Variants in RNF34 observed in about 807,000 individuals in gnomAD.
RNF34 encodes E3 ubiquitin-protein ligase RNF34.
A neutral mutation model predicts 37.9 loss-of-function variants in RNF34; 12 were observed. The ratio of observed to expected loss-of-function variants is 0.32; its 90% CI spans 0.20 to 0.51. The LOEUF (loss-of-function observed/expected upper bound fraction) is 0.51, where lower values mean the gene tolerates loss of function less well. Among genes scored for constraint, RNF34 ranks in the 20% least tolerant of loss-of-function variants. The pLI is 0.97. For missense variants in RNF34, 362 were observed against 472.7 expected (o/e 0.77, Z 2.17); for synonymous variants, 155 against 177.2 (o/e 0.87, Z 1.00).
intron 3 of RNF34, chr12:121,418,229 A>G (rs61201057): frequency 5.8e-4 from 171 of 296,012 alleles, no homozygotes; most frequent in African/African-American, 3.3e-3. Flanking sequence ...GCACATACAC[A>G]TTTGTAGTGT....
At position 121,416,645 on chromosome 12, in the gene RNF34, A is replaced by G. The variant is rs183599162; in HGVS notation, c.225+268A>G. The G allele has an allele frequency of 1.5e-3, 455 of 297,944 alleles. 4 individuals are homozygous for G. The highest frequency in any genetic ancestry group is 9.4e-3 in the African/African-American group (426 of 45,460). The allele number at this position is 297,944 out of a possible 1,614,324, so 18.5% of individuals were successfully genotyped here. On this transcript the variant is annotated intron_variant, in intron 2 of 5. Coordinates refer to ENST00000361234, the MANE Select transcript of RNF34 (RefSeq NM_025126.4). ...TTTATTTTCTATTATGTTTATTTCC[A>G]AAAGCAAGAAATTTGTTAGTCTGTA...
In RNF34 at chr12:121,400,369, C is replaced by T. The variant is rs1555279851; in HGVS notation, c.6+151C>T. The T allele has an allele frequency of 5.2e-6, 5 of 956,752 alleles. No homozygotes were observed. In the East Asian group the frequency reaches 1.5e-4, roughly 28 times the overall value. The allele number at this position is 956,752 out of a possible 1,614,324, so 59.3% of individuals were successfully genotyped here. ...GGGGTCGCTTGCCCGGCTTCAGGTGCCCCAACCGAGCCAGGGCAGGCTGCC... is the reference window on the plus strand; with the variant it reads ...GGGGTCGCTTGCCCGGCTTCAGGTGTCCCAACCGAGCCAGGGCAGGCTGCC... On this transcript the variant is annotated intron_variant, in intron 1 of 5. Transcript: ENST00000361234.
At chr12:121,420,489 G>T in intron 4 of RNF34, 88 bp from the exon 5 acceptor site, 1 of 1,573,170 alleles carries the variant, frequency 6.4e-7, no homozygotes, top group South Asian at 1.1e-5. Flanking sequence ...TGAGATGGCT[G>T]GGAGAATATT....
At chr12:121,412,499 T>C (rs1871176017) in intron 1 of RNF34, among the ~76,000 whole-genome samples, 1 of 151,870 alleles carries the variant, frequency 6.6e-6, no homozygotes, top group Non-Finnish European at 1.5e-5. Flanking sequence ...TGCCTTGTCC[T>C]CCCAAACTGC....
intron 1 of RNF34, chr12:121,405,203 T>G (rs547749063): frequency 6.6e-6 from 1 of 152,212 alleles, no homozygotes; most frequent in Non-Finnish European, 1.5e-5. Flanking sequence ...GAGGGAACAG[T>G]ATGGGAGAAA....
At chr12:121,413,140 C>T (rs1555281590) in intron 1 of RNF34, among the ~76,000 whole-genome samples, 1 of 151,938 alleles carries the variant, frequency 6.6e-6, no homozygotes, top group Admixed American at 6.6e-5. Context: ...ATTCTCCTGC[C>T]TCGGCCTTCC....
At chr12:121,407,433 T>C (rs1304293055) in intron 1 of RNF34, among the ~76,000 whole-genome samples, 4 of 152,050 alleles carry the variant, frequency 2.6e-5, no homozygotes, top group African/African-American at 9.7e-5. Context: ...AAGCCAGAGG[T>C]GGGGGTATGC....
intron 1 of RNF34, among the ~76,000 whole-genome samples, chr12:121,408,269 C>G (rs1354047416): frequency 1.3e-5 from 2 of 152,022 alleles, no homozygotes; most frequent in African/African-American, 2.4e-5. Flanking sequence ...GGTGAAACCC[C>G]GTCTCTACTA....
At chr12:121,409,946 A>G (rs1388507081) in intron 1 of RNF34, among the ~76,000 whole-genome samples, 1 of 151,842 alleles carries the variant, frequency 6.6e-6, no homozygotes, top group Non-Finnish European at 1.5e-5. Flanking sequence ...ATCTGAGGTC[A>G]GGAGTTCGAG....
At chr12:121,412,341 GC>G (rs1443281410) in intron 1 of RNF34, among the ~76,000 whole-genome samples, 2 of 143,436 alleles carry the variant, frequency 1.4e-5, no homozygotes, top group South Asian at 4.6e-4. Flanking sequence ...CCGGGTTCAC[GC>G]CATTCTCCCA....
intron 1 of RNF34, chr12:121,405,220 C>T (rs1318135994): frequency 6.6e-6 from 1 of 152,198 alleles, no homozygotes; most frequent in Non-Finnish European, 1.5e-5. Flanking sequence ...GAAACACTGT[C>T]AGTCTCTGCT....
At position 121,417,897 on chromosome 12, in the gene RNF34, G is replaced by A. The variant is rs782635682; in HGVS notation, c.619G>A (p.Gly207Arg). Reference sequence around the variant, plus strand: ...GGATGGAGACCAAACATCCAGATCTGGAGTGCCGGCACAGGTACGAGGGGG... The same window carrying A: ...GGATGGAGACCAAACATCCAGATCTAGAGTGCCGGCACAGGTACGAGGGGG... ...LMDGDQTSRS[G>R]VPAQVQSEIT... The change falls in exon 3 of 6, where the codon GGA becomes AGA. Residue 207 changes from glycine (G) to arginine (R), a missense_variant. Gly to Arg is a moderately radical substitution (Grantham distance 125, BLOSUM62 -2). Transcript: ENST00000361234. This position sits in a 1 kb window ranked among gnomAD's most constrained non-coding sequence, Gnocchi z 5.0. 1.9e-6 allele frequency: 3 copies of A among 1,613,878 alleles called. No individual in the cohort carries two copies. In the South Asian group the frequency reaches 3.3e-5, roughly 18 times the overall value.
At chr12:121,415,031 C>T (rs1017623257) in intron 1 of RNF34, among the ~76,000 whole-genome samples, 2 of 151,556 alleles carry the variant, frequency 1.3e-5, no homozygotes, top group East Asian at 2.0e-4. Context: ...GGGAGGCGGA[C>T]GTTGCAGTGA....
Position 121,423,660 on chromosome 12 carries a change from C to A in RNF34, c.*84C>A. 1.7e-6 allele frequency: 2 copies of A among 1,161,652 alleles called. No homozygotes were observed. Among genetic ancestry groups the A allele is most frequent in the South Asian group, 1.5e-5 (1 of 68,248 alleles). 72.0% of individuals were successfully genotyped at this position (1,161,652 alleles called of 1,614,324 possible). On this transcript the variant is annotated 3_prime_UTR_variant, in exon 6 of 6. Coordinates refer to ENST00000361234, the MANE Select transcript of RNF34 (RefSeq NM_025126.4). The surrounding 1 kb of genome is among the most constrained non-coding windows in gnomAD (Gnocchi z 4.3). Reference sequence around the variant, plus strand: ...ACAGAAGGGACTGGAAAGTTATGTTCAAAGGCTGAAGCTATTTTAAAACAT... The same window carrying A: ...ACAGAAGGGACTGGAAAGTTATGTTAAAAGGCTGAAGCTATTTTAAAACAT...
At chr12:121,421,702 A>G (rs1034038827) in intron 5 of RNF34, among the ~76,000 whole-genome samples, 1 of 152,156 alleles carries the variant, frequency 6.6e-6, no homozygotes, top group Non-Finnish European at 1.5e-5. Context: ...AAAAAAATAT[A>G]TATGTACTTA....
chr12:121,413,519 C>T (rs1217956415), intron 1 of RNF34, among the ~76,000 whole-genome samples: 3 of 147,574 alleles, frequency 2.0e-5, no homozygotes, highest in African/African-American at 5.1e-5. Context: ...TCAAGCGATT[C>T]TCCTGCCTCA....
At chr12:121,401,022 A>G (rs1555279947) in intron 1 of RNF34, among the ~76,000 whole-genome samples, 3 of 152,162 alleles carry the variant, frequency 2.0e-5, no homozygotes, top group African/African-American at 7.2e-5. Context: ...GGGATGAGTC[A>G]TAAGGTGATG....
chr12:121,401,832 G>T (rs1870024778), intron 1 of RNF34, among the ~76,000 whole-genome samples: 1 of 152,130 alleles, frequency 6.6e-6, no homozygotes, highest in Non-Finnish European at 1.5e-5. Context: ...GGTGGCAATT[G>T]AAATTATAGA....
Position 121,420,598 on chromosome 12 carries a change from A to C in RNF34, c.748A>C (p.Arg250=). The C allele has an allele frequency of 6.2e-7, 1 of 1,614,038 alleles. No homozygotes were observed. Among genetic ancestry groups the C allele is most frequent in the Non-Finnish European group, 8.5e-7 (1 of 1,179,988 alleles). The part of the protein sequence containing the change: ...EDRNPGLSKE[R]VRASLSDLSS... ...TCAGAACCCCGGGCTCTCCAAGGAG[A>C]GAGTGAGAGCTTCACTGTCTGACTT... Residue 250 remains arginine (R), a synonymous_variant, in exon 5 of 6, where the codon AGA becomes CGA. Coordinates refer to ENST00000361234, the MANE Select transcript of RNF34 (RefSeq NM_025126.4).
Sources: gnomAD v4.1 joint callset for allele counts (sites outside exome capture counted in the v4.1 genomes callset) on GRCh38, gnomAD v4.1.1 for gene constraint, Gnocchi (gnomAD v3.1) non-coding constraint, MANE v1.5 for transcripts, NCBI Gene and HGNC (gene_info 2026-07-23, HGNC 2026-07-21) for gene names.